ST6GALNAC3: variants seen among roughly 807,000 people sequenced by gnomAD.
ST6GALNAC3 encodes the protein alpha-N-acetylgalactosaminide alpha-2,6-sialyltransferase 3.
ST6GALNAC3 carries 25 observed loss-of-function variants against 32.7 expected under a neutral mutation model. The ratio of observed to expected loss-of-function variants is 0.76; its 90% confidence interval spans 0.56 to 1.07. The LOEUF (loss-of-function observed/expected upper bound fraction) is 1.07. Ranked by LOEUF, ST6GALNAC3 falls within the 50% of genes least tolerant of loss-of-function variation. The probability of loss-of-function intolerance (pLI) is 0.00; values close to 1 mark genes in which losing one functional copy is unlikely to be tolerated. For missense variants in ST6GALNAC3, 355 were observed against 382.4 expected, an observed-to-expected ratio of 0.93 and a Z score of 0.60; for synonymous variants, 129 against 133.1, an observed-to-expected ratio of 0.97 and a Z score of 0.21.
chr1:76,140,023 G>T (rs1433765201), intron 1 of ST6GALNAC3, among the ~76,000 whole-genome samples: 1 of 152,152 alleles, frequency 6.6e-6, no homozygotes, highest in Admixed American at 6.5e-5. Context: ...TCATTTAGAT[G>T]TATCTATCAA....
At chr1:76,623,208 G>A (rs1648753752) in intron 3 of ST6GALNAC3, among the ~76,000 whole-genome samples, 1 of 151,926 alleles carries the variant, frequency 6.6e-6, no homozygotes. Flanking sequence ...GCTACATCAA[G>A]GTCTTGACGG....
intron 3 of ST6GALNAC3, among the ~76,000 whole-genome samples, chr1:76,512,695 G>A (rs986829406): frequency 6.6e-6 from 1 of 152,018 alleles, no homozygotes; most frequent in African/African-American, 2.4e-5. Context: ...CTTTGTACCC[G>A]TTGACCAGCC....
At chr1:76,113,442 A>G (rs990288379) in intron 1 of ST6GALNAC3, among the ~76,000 whole-genome samples, 1 of 151,988 alleles carries the variant, frequency 6.6e-6, no homozygotes, top group Non-Finnish European at 1.5e-5. Flanking sequence ...TGGATGAGCC[A>G]TTTTTACAAA....
At chr1:76,082,095 G>A (rs1001617240) in intron 1 of ST6GALNAC3, among the ~76,000 whole-genome samples, 2 of 152,220 alleles carry the variant, frequency 1.3e-5, no homozygotes, top group African/African-American at 4.8e-5. Context: ...TCTAGTAAAC[G>A]ACTGAGCGAA....
intron 1 of ST6GALNAC3, among the ~76,000 whole-genome samples, chr1:76,127,902 C>T (rs1649356782): frequency 1.3e-5 from 2 of 152,168 alleles, no homozygotes; most frequent in African/African-American, 4.8e-5. Flanking sequence ...TTACTCTCAC[C>T]TTTAAGGCCC....
intron 1 of ST6GALNAC3, among the ~76,000 whole-genome samples, chr1:76,228,903 A>AT (rs1024908291): frequency 6.6e-6 from 1 of 152,172 alleles, no homozygotes; most frequent in Non-Finnish European, 1.5e-5. Context: ...ATTGATGGTC[A>AT]TCTTCAGGTG....
At position 76,203,508 on chromosome 1, in the gene ST6GALNAC3, A is replaced by T. The variant is rs567720450; in HGVS notation, c.19-110297A>T. On this transcript the variant is annotated intron_variant, in intron 1 of 4. Transcript: ENST00000328299. Reference sequence around the variant, plus strand: ...ACAGATGATTATGGTCAAATGAGGGAAAAGGTGACTTGTGTATTTTTTTTG... The same window carrying T: ...ACAGATGATTATGGTCAAATGAGGGTAAAGGTGACTTGTGTATTTTTTTTG... Among the ~76,000 whole-genome samples, 31 of 114,096 alleles carry T rather than the reference A, an allele frequency of 2.7e-4. No individual in the cohort carries two copies. The South Asian group carries it at 0.012, about 43-fold the overall frequency. 74.9% of individuals were successfully genotyped at this position (114,096 alleles called of 152,430 possible).
At chr1:76,257,682 T>G (rs1657996271) in intron 1 of ST6GALNAC3, among the ~76,000 whole-genome samples, 1 of 152,140 alleles carries the variant, frequency 6.6e-6, no homozygotes, top group Non-Finnish European at 1.5e-5. Context: ...TGCCGCCATC[T>G]ATTTGGCCTG....
At chr1:76,553,839 A>G (rs966944750) in intron 3 of ST6GALNAC3, among the ~76,000 whole-genome samples, 5 of 152,178 alleles carry the variant, frequency 3.3e-5, no homozygotes. Context: ...TAAAATGCCA[A>G]GCATTGTAGA....
At chr1:76,339,241 A>G (rs368130147) in intron 2 of ST6GALNAC3, among the ~76,000 whole-genome samples, 1 of 152,120 alleles carries the variant, frequency 6.6e-6, no homozygotes, top group Non-Finnish European at 1.5e-5. Context: ...AAAAGGGAAG[A>G]TTCCCCTGAA....
At chr1:76,317,532 A>G (rs533335865) in intron 2 of ST6GALNAC3, among the ~76,000 whole-genome samples, 4 of 152,256 alleles carry the variant, frequency 2.6e-5, no homozygotes, top group African/African-American at 9.6e-5. Context: ...TCAGGTGATC[A>G]CCAAGCTGAT....
intron 1 of ST6GALNAC3, among the ~76,000 whole-genome samples, chr1:76,083,968 T>C (rs906673043): frequency 1.3e-5 from 2 of 152,228 alleles, no homozygotes; most frequent in African/African-American, 4.8e-5. Flanking sequence ...GAACATTATT[T>C]TTAAAAGGTA....
intron 3 of ST6GALNAC3, among the ~76,000 whole-genome samples, chr1:76,610,678 A>C (rs1313242112): frequency 6.6e-6 from 1 of 152,164 alleles, no homozygotes; most frequent in Non-Finnish European, 1.5e-5. Context: ...GGACATTTAC[A>C]GTCTGTAAGT....
chr1:76,307,359 G>A (rs1304841192), intron 1 of ST6GALNAC3, among the ~76,000 whole-genome samples: 1 of 152,106 alleles, frequency 6.6e-6, no homozygotes, highest in Admixed American at 6.6e-5. Context: ...TGTGCAAATG[G>A]AAAGAAGCTT....
intron 1 of ST6GALNAC3, among the ~76,000 whole-genome samples, chr1:76,112,076 C>G (rs1286885603): frequency 2.0e-5 from 3 of 149,894 alleles, no homozygotes; most frequent in African/African-American, 7.3e-5. Context: ...GGCTGACCCC[C>G]CCACCTCCCT....
chr1:76,478,975 G>C (rs1007428673), intron 3 of ST6GALNAC3, among the ~76,000 whole-genome samples: 4 of 151,854 alleles, frequency 2.6e-5, no homozygotes, highest in African/African-American at 9.7e-5. Context: ...GTGTTAGACA[G>C]GATGGTCTCG....
At chr1:76,491,570 G>A (rs1419779501) in intron 3 of ST6GALNAC3, among the ~76,000 whole-genome samples, 1 of 152,060 alleles carries the variant, frequency 6.6e-6, no homozygotes, top group Non-Finnish European at 1.5e-5. Flanking sequence ...TGAGTGCCTT[G>A]TTTGTAGGCC....
intron 1 of ST6GALNAC3, among the ~76,000 whole-genome samples, chr1:76,112,276 G>A (rs1648051062): frequency 6.9e-6 from 1 of 143,956 alleles, no homozygotes; most frequent in South Asian, 2.2e-4. Flanking sequence ...GGACAGGGCG[G>A]CTGGCCGGGC....
intron 1 of ST6GALNAC3, among the ~76,000 whole-genome samples, chr1:76,185,054 T>G (rs542149437): frequency 6.6e-6 from 1 of 152,274 alleles, no homozygotes; most frequent in South Asian, 2.1e-4. Flanking sequence ...ACCCTGTGAA[T>G]CCATATTGCT....
Sources: allele counts gnomAD v4.1 joint callset (sites outside exome capture counted in the v4.1 genomes callset), GRCh38; gene constraint gnomAD v4.1.1; transcripts MANE v1.5; gene names NCBI Gene and HGNC (gene_info 2026-07-23, HGNC 2026-07-21).